Variants in ZDHHC20 observed in about 807,000 individuals in gnomAD.
ZDHHC20 encodes zDHHC palmitoyltransferase 20.
A neutral mutation model predicts 57.8 loss-of-function variants in ZDHHC20; 43 were observed. The ratio of observed to expected loss-of-function variants is 0.74; its 90% CI spans 0.58 to 0.96. The LOEUF (loss-of-function observed/expected upper bound fraction) is 0.96, where lower values mean the gene tolerates loss of function less well. Among genes scored for constraint, ZDHHC20 ranks in the 40% least tolerant of loss-of-function variants. The pLI, the probability that ZDHHC20 is intolerant of heterozygous loss-of-function variation, is 0.00. For synonymous variants in ZDHHC20, 157 were observed against 153.0 expected, an observed-to-expected ratio of 1.03 and a Z score of -0.19; for missense variants, 391 against 441.1, an observed-to-expected ratio of 0.89 and a Z score of 1.02.
In ZDHHC20 at chr13:21,402,790, CACTT is replaced by C. The variant is rs1877888271; in HGVS notation, c.440+3_440+6del. On this transcript the variant is annotated splice_donor_5th_base_variant and intron_variant, in intron 5 of 12. Coordinates refer to ENST00000400590, the MANE Select transcript of ZDHHC20 (RefSeq NM_001330059.2). ...AGATATTAAGCATATGTGTGAGTAA[CACTT>C]ACGAGTCACAGGCTGAGCAGTGATG... is the stretch of plus-strand genomic sequence containing the variant. 4 of 1,592,390 alleles carry C rather than the reference CACTT, an allele frequency of 2.5e-6. No individual in the cohort carries two copies. Among genetic ancestry groups the C allele is most frequent in the Admixed American group, 1.8e-5 (1 of 56,732 alleles).
intron 3 of ZDHHC20, among the ~76,000 whole-genome samples, chr13:21,414,578 A>G (rs564882581): frequency 6.9e-5 from 9 of 130,668 alleles, no homozygotes; most frequent in Admixed American, 5.3e-4. Context: ...TCACCGTGTT[A>G]GCCAGGATGG....
intron 4 of ZDHHC20, among the ~76,000 whole-genome samples, chr13:21,403,673 A>G (rs9509683): frequency 0.51 from 77,441 of 151,902 alleles, 20,246 homozygotes; most frequent in Non-Finnish European, 0.58. Context: ...GGGAGAAAGA[A>G]GTTGCTTTTT....
At chr13:21,382,807 A>C (rs1349168045) in intron 10 of ZDHHC20, 113 bp downstream of exon 10, 3 of 852,026 alleles carry the variant, frequency 3.5e-6, no homozygotes, top group Non-Finnish European at 5.3e-6. Context: ...TCTTTCCCTA[A>C]CTATGCTGGC....
chr13:21,413,745 G>C lies in ZDHHC20; in HGVS notation c.277C>G (p.Arg93Gly). The C allele has an allele frequency of 1.2e-6, 2 of 1,610,130 alleles. No homozygotes were observed. Among genetic ancestry groups the C allele is most frequent in the Non-Finnish European group, 8.5e-7 (1 of 1,178,204 alleles). Reference sequence around the variant, plus strand: ...TCTTGGCTGAATTCTTTTTCATAACGTTCCTTTTCAGAATTGGACAAGTAG... The same window carrying C: ...TCTTGGCTGAATTCTTTTTCATAACCTTCCTTTTCAGAATTGGACAAGTAG... Reference protein sequence around the residue: ...EFYLSNSEKERYEKEFSQERQ... With the variant: ...EFYLSNSEKEGYEKEFSQERQ... The change falls in exon 4 of 13, where the codon CGT becomes GGT. Residue 93 changes from arginine to glycine, a missense_variant. Physicochemically the swap from Arg to Gly is moderately radical, Grantham distance 125. Coordinates refer to ENST00000400590, the MANE Select transcript of ZDHHC20 (RefSeq NM_001330059.2).
chr13:21,459,084 A>C lies in ZDHHC20; in HGVS notation c.88T>G (p.Tyr30Asp). Residue 30 changes from tyrosine (Y) to aspartate (D), a missense_variant, in exon 1 of 13, where the codon TAC (tyrosine) becomes GAC (aspartate). Transcript: ENST00000400590. The part of the protein sequence containing the change: ...LFITFVVVWS[Y>D]YAYVVELCVF... ...CAGAGCTCCACCACGTACGCGTAGT[A>C]GGACCAGACGACCACGAAGGTGATG... 6.2e-7 allele frequency: 1 copy of C among 1,605,846 alleles called. No homozygotes were observed. Among genetic ancestry groups the C allele is most frequent in the Non-Finnish European group, 8.5e-7 (1 of 1,176,874 alleles).
chr13:21,389,468 G>T (rs2137707167), intron 8 of ZDHHC20, among the ~76,000 whole-genome samples: 1 of 152,232 alleles, frequency 6.6e-6, no homozygotes, highest in East Asian at 1.9e-4. Context: ...GATTAAAAAG[G>T]TTTTGTGAAA....
At chr13:21,441,782 T>C (rs1883200017) in intron 1 of ZDHHC20, among the ~76,000 whole-genome samples, 1 of 152,078 alleles carries the variant, frequency 6.6e-6, no homozygotes, top group African/African-American at 2.4e-5. Flanking sequence ...TATTCTGCCG[T>C]TTTACTCAAT....
At chr13:21,416,177 C>G (rs1419934927) in intron 3 of ZDHHC20, among the ~76,000 whole-genome samples, 1 of 144,352 alleles carries the variant, frequency 6.9e-6, no homozygotes, top group Non-Finnish European at 1.5e-5. Context: ...TACACTCCAG[C>G]CTGGTGACAG....
At chr13:21,422,543 T>C (rs1211853586) in intron 2 of ZDHHC20, among the ~76,000 whole-genome samples, 1 of 152,188 alleles carries the variant, frequency 6.6e-6, no homozygotes, top group African/African-American at 2.4e-5. Flanking sequence ...AATCCAGGCC[T>C]GAAATGACTC....
At chr13:21,443,183 G>C (rs1243475968) in intron 1 of ZDHHC20, among the ~76,000 whole-genome samples, 2 of 151,834 alleles carry the variant, frequency 1.3e-5, no homozygotes, top group Admixed American at 1.3e-4. Context: ...ATACTTCATG[G>C]GACACTTTCA....
At chr13:21,453,539 C>G (rs1359022984) in intron 1 of ZDHHC20, among the ~76,000 whole-genome samples, 1 of 152,148 alleles carries the variant, frequency 6.6e-6, no homozygotes, top group African/African-American at 2.4e-5. Context: ...TTCGTAAGCA[C>G]ACATGGAACA....
Position 21,375,466 on chromosome 13 carries a change from T to C in ZDHHC20, c.*1230A>G, listed in dbSNP as rs1223524426. The C allele has an allele frequency of 8.9e-6, 2 of 225,374 alleles. No individual in the cohort carries two copies. The highest frequency in any genetic ancestry group is 1.1e-4 in the Admixed American group (2 of 18,496). The allele number at this position is 225,374 out of a possible 1,614,324, so 14.0% of individuals were successfully genotyped here. On this transcript the variant is annotated 3_prime_UTR_variant, in exon 13 of 13. Coordinates refer to ENST00000400590, the MANE Select transcript of ZDHHC20 (RefSeq NM_001330059.2). ...GCAACACCTCCTGTCGCTTAGATTT[T>C]AAAAGGAAAAAGGAGAAATGTGTCT...
Position 21,407,049 on chromosome 13 carries a change from C to T in ZDHHC20, c.371-4183G>A, listed in dbSNP as rs532717917. ...TGTCACCCAGGCTGGAGTGCAGTGG[C>T]GTGATCTCAGCTCACTGCAACCTCC... On this transcript the variant is annotated intron_variant, in intron 4 of 12. Transcript: ENST00000400590. 1.4e-4 allele frequency among the ~76,000 whole-genome samples: 21 copies of T among 150,548 alleles called. No homozygotes were observed. The South Asian group carries it at 1.9e-3, about 13-fold the overall frequency.
chr13:21,374,484 C>T lies in ZDHHC20; in HGVS notation c.*2212G>A, dbSNP rs1871724446. 6.6e-6 allele frequency: 3 copies of T among 453,682 alleles called. No homozygotes were observed. Among genetic ancestry groups the T allele is most frequent in the South Asian group, 4.7e-5 (3 of 64,322 alleles). The allele number at this position is 453,682 out of a possible 1,614,324, so 28.1% of individuals were successfully genotyped here. On this transcript the variant is annotated 3_prime_UTR_variant, in exon 13 of 13. Coordinates refer to ENST00000400590, the MANE Select transcript of ZDHHC20 (RefSeq NM_001330059.2). ...CCCTGACCTCAGGTGATCCGCCAGCCTTGGCCTCCCAAAGTGCTGGGATTA... is the reference window on the plus strand; with the variant it reads ...CCCTGACCTCAGGTGATCCGCCAGCTTTGGCCTCCCAAAGTGCTGGGATTA...
chr13:21,397,470 TG>T (rs1434255217), intron 7 of ZDHHC20, among the ~76,000 whole-genome samples: 1 of 152,068 alleles, frequency 6.6e-6, no homozygotes, highest in Non-Finnish European at 1.5e-5. Context: ...TAGACCAGCC[TG>T]GGCAACATGG....
At chr13:21,440,362 G>A (rs1472874909) in intron 1 of ZDHHC20, among the ~76,000 whole-genome samples, 3 of 152,038 alleles carry the variant, frequency 2.0e-5, no homozygotes, top group Admixed American at 6.6e-5. Flanking sequence ...TGTAATCCCA[G>A]CACTTTGGGA....
intron 4 of ZDHHC20, among the ~76,000 whole-genome samples, chr13:21,403,486 G>T (rs1256268413): frequency 2.0e-5 from 3 of 152,070 alleles, no homozygotes; most frequent in Non-Finnish European, 2.9e-5. Flanking sequence ...TGCCTTCACA[G>T]ACCTTTCATT....
At chr13:21,381,402 G>A (rs763175975) in intron 11 of ZDHHC20, 32 bp downstream of exon 11, 2 of 1,498,134 alleles carry the variant, frequency 1.3e-6, no homozygotes, top group South Asian at 2.3e-5. Context: ...ATTTGAACCA[G>A]ACAAAGCAGT....
chr13:21,447,277 G>GCTCTCC (rs1169530125), intron 1 of ZDHHC20, among the ~76,000 whole-genome samples: 38 of 147,946 alleles, frequency 2.6e-4, no homozygotes, highest in South Asian at 4.8e-4. Context: ...AGATGTGAGC[G>GCTCTCC]CTCTCCCTCT....
Sources: gnomAD v4.1 joint callset for allele counts (sites outside exome capture counted in the v4.1 genomes callset) on GRCh38, gnomAD v4.1.1 for gene constraint, MANE v1.5 for transcripts, NCBI Gene and HGNC (gene_info 2026-07-23, HGNC 2026-07-21) for gene names.